Variants in FOXN3 observed in about 807,000 individuals in gnomAD.
FOXN3 encodes the protein forkhead box protein N3.
FOXN3 carries 7 observed loss-of-function variants against 38.4 expected under a neutral mutation model. That is an observed-to-expected ratio of 0.18 (90% confidence interval 0.10 to 0.34). The LOEUF is 0.34. Among genes scored for constraint, FOXN3 ranks in the 10% least tolerant of loss-of-function variants. The pLI is 1.00. For missense variants in FOXN3, 456 were observed against 613.4 expected, an observed-to-expected ratio of 0.74 and a Z score of 2.71; for synonymous variants, 230 against 242.2, an observed-to-expected ratio of 0.95 and a Z score of 0.47.
chr14:89,208,223 C>T (rs1188504959), intron 4 of FOXN3, among the ~76,000 whole-genome samples: 9 of 152,156 alleles, frequency 5.9e-5, no homozygotes, highest in Non-Finnish European at 4.4e-5. Context: ...CAAAAAAAGG[C>T]GGGTACGGGC....
chr14:89,234,708 C>T (rs1395382224), intron 4 of FOXN3, among the ~76,000 whole-genome samples: 1 of 151,452 alleles, frequency 6.6e-6, no homozygotes, highest in Non-Finnish European at 1.5e-5. Context: ...CACCTTCCAC[C>T]ATGAGTAAAG....
chr14:89,425,578 T>C (rs1205363249), intron 1 of FOXN3, among the ~76,000 whole-genome samples: 1 of 151,018 alleles, frequency 6.6e-6, no homozygotes, highest in Non-Finnish European at 1.5e-5. Context: ...TTGGCCACGC[T>C]GGTCTCGAAC....
At chr14:89,249,972 C>CT (rs1479786601) in intron 4 of FOXN3, among the ~76,000 whole-genome samples, 12 of 152,166 alleles carry the variant, frequency 7.9e-5, no homozygotes, top group African/African-American at 2.9e-4. Context: ...GACATGCTAC[C>CT]TGTGGGTGCC....
intron 4 of FOXN3, among the ~76,000 whole-genome samples, chr14:89,268,302 C>A (rs111704894): frequency 1.3e-5 from 2 of 152,186 alleles, no homozygotes; most frequent in Non-Finnish European, 1.5e-5. Context: ...TAAATCAAGT[C>A]ACTGTCTCTG....
intron 4 of FOXN3, among the ~76,000 whole-genome samples, chr14:89,227,418 A>G (rs983588900): frequency 1.3e-5 from 2 of 152,162 alleles, no homozygotes; most frequent in African/African-American, 4.8e-5. Context: ...CCTTCACGGC[A>G]TTTACTCCAA....
At chr14:89,498,511 G>A (rs998627720) in intron 1 of FOXN3, among the ~76,000 whole-genome samples, 13 of 151,992 alleles carry the variant, frequency 8.6e-5, no homozygotes, top group East Asian at 3.9e-4. Context: ...GTGAGCCACC[G>A]CGCCCAGCCC....
chr14:89,344,756 A>T (rs1294073554), intron 3 of FOXN3, among the ~76,000 whole-genome samples: 1 of 152,210 alleles, frequency 6.6e-6, no homozygotes, highest in Non-Finnish European at 1.5e-5. Context: ...GGTTAGAAAA[A>T]TAGAAATTTC....
At chr14:89,503,701 C>T (rs1031421278) in intron 1 of FOXN3, among the ~76,000 whole-genome samples, 1 of 152,184 alleles carries the variant, frequency 6.6e-6, no homozygotes, top group Non-Finnish European at 1.5e-5. Flanking sequence ...CAGCCTGGCT[C>T]GGTTACAAGT....
intron 4 of FOXN3, among the ~76,000 whole-genome samples, chr14:89,192,345 T>A (rs1174981615): frequency 1.4e-5 from 2 of 145,972 alleles, no homozygotes; most frequent in African/African-American, 5.0e-5. Flanking sequence ...TAGTTATATG[T>A]AATAGTATAC....
At chr14:89,490,932 C>A (rs1353401823) in intron 1 of FOXN3, among the ~76,000 whole-genome samples, 2 of 152,136 alleles carry the variant, frequency 1.3e-5, no homozygotes, top group African/African-American at 4.8e-5. Context: ...TGGCCCTTGT[C>A]TTTAATACAT....
rs116439369 is a variant in FOXN3, at chr14:89,195,218, A to G, written c.746-14412T>C. On this transcript the variant is annotated intron_variant, in intron 4 of 5. Transcript: ENST00000557258. The stretch of plus-strand genomic sequence containing the variant: ...TTCTCCCAGTCCCCTCACCCCAAAC[A>G]CCCCTCCCTTTGATCTCTCTACCCC... Among the ~76,000 whole-genome samples the G allele has an allele frequency of 5.8e-3, 872 of 151,120 alleles. 9 individuals carry two copies. Among genetic ancestry groups the G allele is most frequent in the African/African-American group, 0.02 (833 of 41,122 alleles).
intron 1 of FOXN3, among the ~76,000 whole-genome samples, chr14:89,464,017 C>T (rs781341204): frequency 3.3e-5 from 5 of 152,150 alleles, no homozygotes; most frequent in Non-Finnish European, 7.4e-5. Flanking sequence ...CTCCTGACCT[C>T]AGGTGATCCA....
intron 1 of FOXN3, among the ~76,000 whole-genome samples, chr14:89,432,935 C>T (rs965036544): frequency 2.6e-5 from 4 of 152,162 alleles, no homozygotes; most frequent in African/African-American, 9.7e-5. Flanking sequence ...CCTGCCTTGA[C>T]CTCCCAAACT....
At chr14:89,309,328 G>A (rs1473156364) in intron 3 of FOXN3, among the ~76,000 whole-genome samples, 2 of 152,118 alleles carry the variant, frequency 1.3e-5, no homozygotes, top group African/African-American at 4.8e-5. Context: ...CACGAGATTG[G>A]GGTTAGGGGA....
intron 1 of FOXN3, among the ~76,000 whole-genome samples, chr14:89,589,514 T>C (rs1355953779): frequency 6.6e-6 from 1 of 152,054 alleles, no homozygotes; most frequent in Non-Finnish European, 1.5e-5. Context: ...TCAGAAACAT[T>C]TCCTATTCCC....
chr14:89,528,599 T>C lies in FOXN3; in HGVS notation c.-15+90429A>G, dbSNP rs999092198. ...TTAGTAGAGACGGGGTTTCTCCATG[T>C]TGGTCAGGCTGGTCTTGAACTCCTG... On this transcript the variant is annotated intron_variant, in intron 1 of 6. Transcript: ENST00000345097. Among the ~76,000 whole-genome samples, 88 of 152,008 alleles carry C rather than the reference T, an allele frequency of 5.8e-4. 1 individual carries two copies. The highest frequency in any genetic ancestry group is 2.1e-3 in the African/African-American group (85 of 41,448).
chr14:89,201,881 T>TG (rs1167315994), intron 4 of FOXN3, among the ~76,000 whole-genome samples: 5 of 152,136 alleles, frequency 3.3e-5, no homozygotes, highest in African/African-American at 1.2e-4. Flanking sequence ...CCCACAGCTG[T>TG]GGGGGTGCTC....
chr14:89,482,746 T>TA (rs1893361722), intron 1 of FOXN3, among the ~76,000 whole-genome samples: 1 of 121,958 alleles, frequency 8.2e-6, no homozygotes, highest in Admixed American at 8.3e-5. Flanking sequence ...CTGTCTCTAC[T>TA]AAAAAATAAA....
intron 1 of FOXN3, among the ~76,000 whole-genome samples, chr14:89,455,970 C>A (rs1448946588): frequency 1.3e-5 from 2 of 151,270 alleles, no homozygotes; most frequent in African/African-American, 4.9e-5. Context: ...CCAAGGCGGG[C>A]AGATCACGAG....
Sources: gnomAD v4.1 joint callset for allele counts (sites outside exome capture counted in the v4.1 genomes callset) on GRCh38, gnomAD v4.1.1 for gene constraint, MANE v1.5 for transcripts, NCBI Gene and HGNC (gene_info 2026-07-23, HGNC 2026-07-21) for gene names.